Variants in RAI1 observed in about 807,000 individuals in gnomAD.
RAI1 encodes the protein retinoic acid-induced protein 1.
Under a neutral mutation model 123.8 loss-of-function variants are expected in RAI1, and 9 were observed. The ratio of observed to expected loss-of-function variants is 0.07; its 90% CI spans 0.04 to 0.13. The LOEUF is 0.13. RAI1 is among the 10% of genes least tolerant of loss of function. The pLI, the probability that RAI1 is intolerant of heterozygous loss-of-function variation, is 1.00. For synonymous variants in RAI1, 1,231 were observed against 1,127.3 expected (o/e 1.09, Z -1.84); for missense variants, 2,256 against 2,545.8 (o/e 0.89, Z 2.45).
chr17:17,686,323 CG>C (rs955985631), intron 1 of RAI1, among the ~76,000 whole-genome samples: 2 of 12,314 alleles, frequency 1.6e-4, no homozygotes, highest in African/African-American at 6.6e-4. Context: ...TTGGTGGGGT[CG>C]GGGGGCAGGG....
chr17:17,733,894 T>G (rs1916342848), intron 2 of RAI1, among the ~76,000 whole-genome samples: 1 of 152,182 alleles, frequency 6.6e-6, no homozygotes, highest in Non-Finnish European at 1.5e-5. Context: ...TGGCTGCTCC[T>G]GGGGGCTGGG....
chr17:17,724,406 CTTTTTTT>C (rs771760855), intron 2 of RAI1, among the ~76,000 whole-genome samples: 4 of 103,758 alleles, frequency 3.9e-5, no homozygotes, highest in South Asian at 3.1e-4. Flanking sequence ...TCTTTCTTTC[CTTTTTTT>C]TTTTTTTTTT....
chr17:17,725,835 G>A (rs1183547924), intron 2 of RAI1, among the ~76,000 whole-genome samples: 2 of 152,054 alleles, frequency 1.3e-5, no homozygotes, highest in Admixed American at 6.5e-5. Context: ...GAGAATTCCT[G>A]GGGGAGAGGG....
Position 17,773,944 on chromosome 17 carries a change from AATTT to A in RAI1, c.-16-18983_-16-18980del, listed in dbSNP as rs572328700. On this transcript the variant is annotated intron_variant, in intron 2 of 5. Coordinates refer to ENST00000353383, the MANE Select transcript of RAI1 (RefSeq NM_030665.4). The stretch of plus-strand genomic sequence containing the variant: ...ATTTATAATTTGTATATTTATATAT[AATTT>A]ATTTAACTGCATCTATAATCTATAA... 1.1e-4 allele frequency among the ~76,000 whole-genome samples: 16 copies of A among 152,250 alleles called. No individual in the cohort carries two copies. The South Asian group carries it at 2.7e-3, about 26-fold the overall frequency.
Position 17,795,209 on chromosome 17 carries a change from C to T in RAI1, c.2261C>T (p.Ala754Val). 6.2e-7 allele frequency: 1 copy of T among 1,613,980 alleles called. No individual in the cohort carries two copies. The highest frequency in any genetic ancestry group is 8.5e-7 in the Non-Finnish European group (1 of 1,180,002). Reference protein sequence around the residue: ...FAWPEENLGDACPRWGLHPGE... With the variant: ...FAWPEENLGDVCPRWGLHPGE... The stretch of plus-strand genomic sequence containing the variant: ...TGGCCAGAGGAAAACCTGGGGGATG[C>T]TTGTCCCAGGTGGGGATTGCACCCT... The change falls in exon 3 of 6, where the codon GCT becomes GTT. Residue 754 changes from alanine (A) to valine (V), a missense_variant. Ala to Val is a moderately conservative substitution (Grantham distance 64). This residue lies in a region of RAI1 where 566 missense variants were observed against 616.0 expected (regional missense o/e 0.92). Transcript: ENST00000353383. This position sits in a 1 kb window ranked among gnomAD's most constrained non-coding sequence, Gnocchi z 5.9.
At chr17:17,768,721 G>A (rs1160530973) in intron 2 of RAI1, among the ~76,000 whole-genome samples, 1 of 152,272 alleles carries the variant, frequency 6.6e-6, no homozygotes, top group Non-Finnish European at 1.5e-5. Flanking sequence ...GACGACTCAG[G>A]TTGGAATCGA....
At chr17:17,778,050 G>A (rs956718019) in intron 2 of RAI1, 1 of 152,278 alleles carries the variant, frequency 6.6e-6, no homozygotes. Context: ...TACCAGCTGC[G>A]GTCACAGACC....
Position 17,793,392 on chromosome 17 carries a change from G to C in RAI1, c.444G>C (p.Lys148Asn). 1 of 1,613,588 alleles carries C rather than the reference G, an allele frequency of 6.2e-7. No individual in the cohort carries two copies. Among genetic ancestry groups the C allele is most frequent in the Non-Finnish European group, 8.5e-7 (1 of 1,179,954 alleles). ...AGTATGATGAGAACTTGATGAAAAA[G>C]ACAGCAGTGCCCCCCAGCAGGCAGT... The part of the protein sequence containing the change: ...VAKYDENLMK[K>N]TAVPPSRQYA... The change falls in exon 3 of 6, where the codon AAG (lysine) becomes AAC (asparagine). Residue 148 changes from lysine to asparagine, a missense_variant. Lys to Asn is a moderately conservative substitution (Grantham distance 94). This residue lies in a region of RAI1 where 336 missense variants were observed against 349.8 expected (regional missense o/e 0.96). Coordinates refer to ENST00000353383, the MANE Select transcript of RAI1 (RefSeq NM_030665.4).
chr17:17,803,962 C>A, intron 4 of RAI1, 113 bp downstream of exon 4: 2 of 1,005,292 alleles, frequency 2.0e-6, no homozygotes, highest in South Asian at 1.3e-5. Context: ...TTCAGTTTCC[C>A]TCCTCTCTTG....
rs962189658 is a variant in RAI1 at position 17,810,640 on chromosome 17, G to A, written c.*659G>A. 5.9e-6 allele frequency: 2 copies of A among 336,810 alleles called. No homozygotes were observed. Among genetic ancestry groups the A allele is most frequent in the East Asian group, 9.3e-5 (1 of 10,756 alleles). The allele number at this position is 336,810 out of a possible 1,614,324, so 20.9% of individuals were successfully genotyped here. A position where few individuals can be genotyped will look rare whatever the true frequency, so the allele number is the denominator to read the frequency against. ...TCTCGTGCGGTTCGGGCAAAGCCGGGGTAGACCTGGGCTATGCTCAGTTAG... is the reference window on the plus strand; with the variant it reads ...TCTCGTGCGGTTCGGGCAAAGCCGGAGTAGACCTGGGCTATGCTCAGTTAG... On this transcript the variant is annotated 3_prime_UTR_variant, in exon 6 of 6. Transcript: ENST00000353383. This position sits in a 1 kb window ranked among gnomAD's most constrained non-coding sequence, Gnocchi z 4.6.
chr17:17,725,141 G>A (rs1428218541), intron 2 of RAI1, among the ~76,000 whole-genome samples: 1 of 152,004 alleles, frequency 6.6e-6, no homozygotes, highest in South Asian at 2.1e-4. Context: ...GGGCTGGGGG[G>A]TGGGCGCGGC....
intron 1 of RAI1, among the ~76,000 whole-genome samples, chr17:17,709,378 C>T (rs1157776223): frequency 1.3e-5 from 2 of 152,154 alleles, no homozygotes; most frequent in African/African-American, 4.8e-5. Context: ...CACCTCTACT[C>T]AGAAAAGCCC....
intron 1 of RAI1, among the ~76,000 whole-genome samples, chr17:17,717,285 G>A (rs1431677075): frequency 2.0e-5 from 3 of 152,160 alleles, no homozygotes; most frequent in African/African-American, 4.8e-5. Flanking sequence ...GGGAACAAGG[G>A]GCAGAGAGAA....
At chr17:17,699,068 A>G (rs1915129673) in intron 1 of RAI1, among the ~76,000 whole-genome samples, 2 of 152,240 alleles carry the variant, frequency 1.3e-5, no homozygotes, top group South Asian at 4.1e-4. Context: ...GTAAAGGCTC[A>G]GCCGGGATTG....
intron 2 of RAI1, among the ~76,000 whole-genome samples, chr17:17,783,184 CGACCGGG>C (rs1047647231): frequency 3.9e-5 from 6 of 152,092 alleles, no homozygotes; most frequent in African/African-American, 4.8e-5. Flanking sequence ...GCGCCTGCAG[CGACCGGG>C]GACCGGGGGA....
intron 1 of RAI1, chr17:17,683,857 A>C (rs1914529568): frequency 6.6e-6 from 1 of 152,186 alleles, no homozygotes; most frequent in South Asian, 2.1e-4. Context: ...TCTCATAGGC[A>C]GGGACCCTGT....
chr17:17,770,788 A>C, intron 2 of RAI1: 1 of 152,294 alleles, frequency 6.6e-6, no homozygotes, highest in East Asian at 1.9e-4. Flanking sequence ...TTAGCCAAGC[A>C]CTAATGGGCT....
In RAI1 at chr17:17,801,448, T is replaced by C. The variant is rs897295447; in HGVS notation, c.5566-2308T>C. Among the ~76,000 whole-genome samples the C allele has an allele frequency of 3.3e-5, 5 of 152,206 alleles. No homozygotes were observed. The highest frequency in any genetic ancestry group is 6.5e-5 in the Admixed American group (1 of 15,280). ...TATTCATATGCCTGCCTGAGGGTGG[T>C]TGGGGCCTCCGTGCAGTAAGTGGAG... On this transcript the variant is annotated intron_variant, in intron 3 of 5. Transcript: ENST00000353383. The surrounding 1 kb of genome is among the most constrained non-coding windows in gnomAD (Gnocchi z 4.1).
intron 1 of RAI1, among the ~76,000 whole-genome samples, chr17:17,705,530 G>A (rs1357741521): frequency 6.6e-6 from 1 of 151,474 alleles, no homozygotes; most frequent in East Asian, 1.9e-4. Flanking sequence ...TGGGCAACAA[G>A]AACGAAACTC....
Sources: gnomAD v4.1 joint callset for allele counts (sites outside exome capture counted in the v4.1 genomes callset) on GRCh38, gnomAD v4.1.1 for gene constraint, gnomAD v4.1.1 regional missense constraint, Gnocchi (gnomAD v3.1) non-coding constraint, MANE v1.5 for transcripts, NCBI Gene and HGNC (gene_info 2026-07-23, HGNC 2026-07-21) for gene names.